PHLPP1: variants seen among roughly 807,000 people sequenced by gnomAD.
The protein encoded by PHLPP1 is PH domain leucine-rich repeat-containing protein phosphatase 1.
PHLPP1 carries 42 observed loss-of-function variants against 117.2 expected under a neutral mutation model. That is an observed-to-expected ratio of 0.36 (90% CI 0.28 to 0.46). The LOEUF (loss-of-function observed/expected upper bound fraction) is 0.46, where lower values mean the gene tolerates loss of function less well. Ranked by LOEUF, PHLPP1 falls within the 20% of genes least tolerant of loss-of-function variation. PHLPP1 has a pLI of 1.00. For synonymous variants in PHLPP1, 1,042 were observed against 970.7 expected (o/e 1.07, Z -1.37); for missense variants, 2,084 against 2,241.9 (o/e 0.93, Z 1.42).
At chr18:62,867,932 C>T (rs565862650) in intron 4 of PHLPP1, among the ~76,000 whole-genome samples, 1 of 152,178 alleles carries the variant, frequency 6.6e-6, no homozygotes, top group East Asian at 1.9e-4. Flanking sequence ...CTGCCTCAGC[C>T]TCCTGAGTAG....
chr18:62,791,474 G>A (rs1913454840), intron 1 of PHLPP1, among the ~76,000 whole-genome samples: 1 of 152,150 alleles, frequency 6.6e-6, no homozygotes. Flanking sequence ...TTTCTCTTGT[G>A]GTTTTGCTTG....
intron 3 of PHLPP1, among the ~76,000 whole-genome samples, chr18:62,857,656 A>G (rs1915533063): frequency 6.6e-6 from 1 of 152,180 alleles, no homozygotes; most frequent in Non-Finnish European, 1.5e-5. Flanking sequence ...TGAGGCTTCA[A>G]GTTTGGGCTT....
chr18:62,832,543 A>C (rs751577475), intron 2 of PHLPP1, among the ~76,000 whole-genome samples: 3 of 152,192 alleles, frequency 2.0e-5, no homozygotes, highest in Non-Finnish European at 4.4e-5. Flanking sequence ...CAGGTCTGTT[A>C]CTGGATGGTC....
At chr18:62,802,711 C>T (rs548806415) in intron 1 of PHLPP1, among the ~76,000 whole-genome samples, 55 of 151,864 alleles carry the variant, frequency 3.6e-4, no homozygotes, top group African/African-American at 1.3e-3. Flanking sequence ...GTGAAAACAC[C>T]GAGAATGTAT....
chr18:62,833,046 G>T (rs1914797213), intron 2 of PHLPP1, among the ~76,000 whole-genome samples: 5 of 152,176 alleles, frequency 3.3e-5, no homozygotes, highest in South Asian at 2.1e-4. Context: ...TTGTCCTATA[G>T]AATTTAACAT....
chr18:62,940,793 C>G (rs1248475168), intron 10 of PHLPP1, among the ~76,000 whole-genome samples: 1 of 152,154 alleles, frequency 6.6e-6, no homozygotes, highest in African/African-American at 2.4e-5. Flanking sequence ...AAGTGTAGCC[C>G]TTGATGCTTC....
At chr18:62,726,950 G>A (rs954223059) in intron 1 of PHLPP1, among the ~76,000 whole-genome samples, 3 of 151,698 alleles carry the variant, frequency 2.0e-5, no homozygotes, top group African/African-American at 4.8e-5. Flanking sequence ...AGGAGAGGCC[G>A]GGTGCGGTGG....
intron 14 of PHLPP1, among the ~76,000 whole-genome samples, chr18:62,969,104 G>T (rs1272497900): frequency 2.0e-5 from 3 of 151,900 alleles, no homozygotes; most frequent in Non-Finnish European, 2.9e-5. Context: ...ACAGGGTCTT[G>T]TTCTGTTGCC....
chr18:62,938,397 G>A (rs12606740), intron 10 of PHLPP1, among the ~76,000 whole-genome samples: 62,083 of 151,984 alleles, frequency 0.41, 12,903 homozygotes, highest in East Asian at 0.63. Context: ...GTATTTGTTC[G>A]TTCTGGTGGA....
At chr18:62,898,454 G>A in intron 6 of PHLPP1, among the ~76,000 whole-genome samples, 1 of 151,886 alleles carries the variant, frequency 6.6e-6, no homozygotes, top group East Asian at 1.9e-4. Flanking sequence ...TCTTCTACCT[G>A]AGCCATTTGC....
chr18:62,832,129 A>G (rs1914775678), intron 2 of PHLPP1: 1 of 152,234 alleles, frequency 6.6e-6, no homozygotes, highest in Non-Finnish European at 1.5e-5. Context: ...AATCTAATAT[A>G]ACTATTCAGT....
chr18:62,828,008 TTGTGTG>T (rs34088259), intron 1 of PHLPP1, among the ~76,000 whole-genome samples: 10,903 of 146,690 alleles, frequency 0.074, 414 homozygotes, highest in Middle Eastern at 0.14. Flanking sequence ...TTCTTTGCAT[TTGTGTG>T]TGTGTGTGTG....
chr18:62,880,132 G>T (rs551132911), intron 4 of PHLPP1, among the ~76,000 whole-genome samples: 109 of 152,044 alleles, frequency 7.2e-4, no homozygotes, highest in Admixed American at 1.2e-3. Flanking sequence ...AAGAACTCAA[G>T]AAATGTTTAG....
intron 1 of PHLPP1, among the ~76,000 whole-genome samples, chr18:62,724,270 AG>A (rs1757224643): frequency 6.6e-6 from 1 of 152,218 alleles, no homozygotes; most frequent in African/African-American, 2.4e-5. Context: ...TAGTTCATCA[AG>A]TTTACTCTAA....
At chr18:62,762,989 A>G (rs974374041) in intron 1 of PHLPP1, among the ~76,000 whole-genome samples, 9 of 152,352 alleles carry the variant, frequency 5.9e-5, no homozygotes, top group Middle Eastern at 3.4e-3. Flanking sequence ...AATATCTAAA[A>G]CAACAGTTGT....
rs1439592631 is a variant in PHLPP1, at chr18:62,716,092, G to A, written c.409G>A (p.Ala137Thr). The change falls in exon 1 of 17, where the codon GCC becomes ACC. Residue 137 changes from alanine (A) to threonine (T), a missense_variant. This residue lies in a region of PHLPP1 where 719 missense variants were observed against 636.0 expected (regional missense o/e 1.13). Transcript: ENST00000262719. This position sits in a 1 kb window ranked among gnomAD's most constrained non-coding sequence, Gnocchi z 5.7. ...KRNLSAAAAA[A>T]SSSSSSSAAA... The stretch of plus-strand genomic sequence containing the variant: ...GAATCTGTCCGCGGCCGCCGCGGCC[G>A]CCTCCTCGTCGTCGTCGTCCTCGGC... 4.7e-6 allele frequency: 7 copies of A among 1,495,668 alleles called. No homozygotes were observed. Among genetic ancestry groups the A allele is most frequent in the East Asian group, 2.7e-5 (1 of 37,400 alleles). 92.6% of individuals were successfully genotyped at this position (1,495,668 alleles called of 1,614,324 possible).
At chr18:62,758,275 C>T (rs1912093775) in intron 1 of PHLPP1, among the ~76,000 whole-genome samples, 2 of 152,064 alleles carry the variant, frequency 1.3e-5, no homozygotes, top group Non-Finnish European at 2.9e-5. Context: ...TGATTAATAA[C>T]ATAGCTTTTA....
intron 1 of PHLPP1, among the ~76,000 whole-genome samples, chr18:62,808,253 G>C (rs187663630): frequency 9.2e-4 from 140 of 152,286 alleles, no homozygotes; most frequent in African/African-American, 3.2e-3. Context: ...GATCTGTGGA[G>C]TAGTGGACAG....
chr18:62,716,923 C>T lies in PHLPP1; in HGVS notation c.1240C>T (p.Gln414Ter). 1 of 1,534,036 alleles carries T rather than the reference C, an allele frequency of 6.5e-7. No individual in the cohort carries two copies. Among genetic ancestry groups the T allele is most frequent in the Non-Finnish European group, 8.7e-7 (1 of 1,145,334 alleles). The change falls in exon 1 of 17, where the codon CAG (glutamine) becomes TAG (stop). Residue 414 changes from glutamine to a stop codon, truncating the protein, a stop_gained. Coordinates refer to ENST00000262719, the MANE Select transcript of PHLPP1 (RefSeq NM_194449.4). LOFTEE classifies it high-confidence loss of function. The surrounding 1 kb of genome is among the most constrained non-coding windows in gnomAD (Gnocchi z 5.7). ...LPLPQTASSP[Q>*]PQQKAPRAID... ...GCTTCCCCAGACGGCTTCCTCGCCTCAGCCGCAGCAGAAAGCCCCGAGGGC... is the reference window on the plus strand; with the variant it reads ...GCTTCCCCAGACGGCTTCCTCGCCTTAGCCGCAGCAGAAAGCCCCGAGGGC...
Sources: gnomAD v4.1 joint callset for allele counts (sites outside exome capture counted in the v4.1 genomes callset) on GRCh38, gnomAD v4.1.1 for gene constraint, gnomAD v4.1.1 regional missense constraint, Gnocchi (gnomAD v3.1) non-coding constraint, MANE v1.5 for transcripts, NCBI Gene and HGNC (gene_info 2026-07-23, HGNC 2026-07-21) for gene names.